DACH2: variants seen among roughly 807,000 people sequenced by gnomAD.
The protein encoded by DACH2 is dachshund homolog 2.
In DACH2, 17 loss-of-function variants were observed where a neutral mutation model predicts 35.8. That is an observed-to-expected ratio of 0.48 (90% CI 0.33 to 0.71). The LOEUF (loss-of-function observed/expected upper bound fraction) is 0.71. Among genes scored for constraint, DACH2 ranks in the 30% least tolerant of loss-of-function variants. The pLI is 0.02. For missense variants in DACH2, 469 were observed against 472.7 expected (o/e 0.99, Z 0.07); for synonymous variants, 195 against 177.3 (o/e 1.10, Z -0.79).
At position 86,439,306 on chromosome X, in the gene DACH2, T is replaced by C. The variant is rs371971506; in HGVS notation, c.527+62444T>C. Among the ~76,000 whole-genome samples, 31 of 112,150 alleles carry C rather than the reference T, an allele frequency of 2.8e-4. No homozygotes were observed. The East Asian group carries it at 3.3e-3, about 12-fold the overall frequency. The stretch of plus-strand genomic sequence containing the variant: ...TTGTGTATTCTGGATTTCAGTCCCT[T>C]GTTGGATGAATAGTTTGCAAATATT... On this transcript the variant is annotated intron_variant, in intron 2 of 11. Coordinates refer to ENST00000373125, the MANE Select transcript of DACH2 (RefSeq NM_053281.3).
intron 3 of DACH2, among the ~76,000 whole-genome samples, chrX:86,640,461 C>A (rs927064518): frequency 9.0e-6 from 1 of 111,656 alleles, no homozygotes; most frequent in Middle Eastern, 4.2e-3. Context: ...AAAGCACAAA[C>A]CTTCTCTCTT....
chrX:86,549,342 G>T (rs1254371329), intron 3 of DACH2, among the ~76,000 whole-genome samples: 1 of 111,164 alleles, frequency 9.0e-6, no homozygotes, highest in Non-Finnish European at 1.9e-5. Context: ...AGACAGCACA[G>T]TTTAGATCCA....
At chrX:86,184,640 C>T (rs186087430) in intron 1 of DACH2, among the ~76,000 whole-genome samples, 1,722 of 111,741 alleles carry the variant, frequency 0.015, 32 homozygotes, top group African/African-American at 0.05. Flanking sequence ...ATTTTTCTTA[C>T]TTTATAATGG....
chrX:86,445,052 C>T (rs1216179780), intron 2 of DACH2, among the ~76,000 whole-genome samples: 2 of 110,964 alleles, frequency 1.8e-5, no homozygotes, highest in African/African-American at 6.5e-5. Flanking sequence ...TCTCAATCCT[C>T]TTCTTTTTGC....
chrX:86,253,245 A>T (rs2033438231), intron 1 of DACH2, among the ~76,000 whole-genome samples: 1 of 111,643 alleles, frequency 9.0e-6, no homozygotes, highest in Non-Finnish European at 1.9e-5. Context: ...CTACAAGGAA[A>T]ACTACAAAAC....
chrX:86,740,780 A>T (rs1038312975), intron 7 of DACH2, among the ~76,000 whole-genome samples: 3 of 109,953 alleles, frequency 2.7e-5, no homozygotes, highest in Non-Finnish European at 3.8e-5. Context: ...TGCCTAATGC[A>T]CTGGATTATT....
In DACH2 at chrX:86,576,096, G is replaced by C. The variant is rs758564059; in HGVS notation, c.640+61705G>C. Among the ~76,000 whole-genome samples, 3 of 111,351 alleles carry C rather than the reference G, an allele frequency of 2.7e-5. No homozygotes were observed. In the East Asian group the frequency reaches 8.5e-4, roughly 31 times the overall value. ...CAACAAATACTTAAAGCCTTTTTTG[G>C]TCCAAGCACTATGATAAACATGGAG... On this transcript the variant is annotated intron_variant, in intron 3 of 11. Coordinates refer to ENST00000373125, the MANE Select transcript of DACH2 (RefSeq NM_053281.3).
chrX:86,257,070 G>A (rs2033534754), intron 1 of DACH2, among the ~76,000 whole-genome samples: 1 of 111,253 alleles, frequency 9.0e-6, no homozygotes, highest in Non-Finnish European at 1.9e-5. Context: ...AACATTGTAT[G>A]ATGAATACTT....
chrX:86,336,491 C>G (rs1026212542), intron 1 of DACH2, among the ~76,000 whole-genome samples: 2 of 111,509 alleles, frequency 1.8e-5, no homozygotes, highest in Non-Finnish European at 3.8e-5. Context: ...AGCAGACCTG[C>G]AGCAGATGGG....
intron 2 of DACH2, among the ~76,000 whole-genome samples, chrX:86,484,011 A>G (rs1218042051): frequency 9.0e-6 from 1 of 111,277 alleles, no homozygotes; most frequent in Admixed American, 9.7e-5. Flanking sequence ...ACACAGTTAT[A>G]TGTATATTTT....
At chrX:86,315,496 T>C (rs779841408) in intron 1 of DACH2, among the ~76,000 whole-genome samples, 2 of 111,575 alleles carry the variant, frequency 1.8e-5, no homozygotes, top group South Asian at 7.6e-4. Context: ...GAATACATTT[T>C]GTAAGGCTAT....
intron 1 of DACH2, among the ~76,000 whole-genome samples, chrX:86,282,550 T>C (rs1009770866): frequency 1.8e-5 from 2 of 111,272 alleles, no homozygotes; most frequent in African/African-American, 6.5e-5. Context: ...GAAGGAAACA[T>C]AGGCTATACC....
intron 1 of DACH2, among the ~76,000 whole-genome samples, chrX:86,360,998 A>T (rs1321720179): frequency 9.0e-6 from 1 of 111,164 alleles, no homozygotes; most frequent in Non-Finnish European, 1.9e-5. Flanking sequence ...ATTAACACAA[A>T]CATTATTGAA....
At chrX:86,332,491 A>G (rs2035231541) in intron 1 of DACH2, among the ~76,000 whole-genome samples, 2 of 111,938 alleles carry the variant, frequency 1.8e-5, no homozygotes, top group Non-Finnish European at 3.8e-5. Flanking sequence ...CTTCTTAATG[A>G]AAGTTAGTCA....
intron 2 of DACH2, among the ~76,000 whole-genome samples, chrX:86,398,084 C>A (rs1331451023): frequency 8.9e-6 from 1 of 111,923 alleles, no homozygotes; most frequent in Non-Finnish European, 1.9e-5. Context: ...TTGGTCTATT[C>A]AGAGATTCAA....
At chrX:86,711,738 G>T (rs1481261978) in intron 5 of DACH2, among the ~76,000 whole-genome samples, 1 of 112,400 alleles carries the variant, frequency 8.9e-6, no homozygotes, top group Non-Finnish European at 1.9e-5. Context: ...TTGGGGTAAA[G>T]TCTAGGGCAT....
At chrX:86,684,495 G>C (rs1275765757) in intron 4 of DACH2, among the ~76,000 whole-genome samples, 1 of 110,733 alleles carries the variant, frequency 9.0e-6, no homozygotes, top group Non-Finnish European at 1.9e-5. Flanking sequence ...CTTAAATTAT[G>C]TTATGGGTAG....
chrX:86,489,414 A>G (rs758168060), intron 2 of DACH2, among the ~76,000 whole-genome samples: 1 of 111,248 alleles, frequency 9.0e-6, no homozygotes, highest in African/African-American at 3.2e-5. Context: ...ACAAATAACA[A>G]TATCACATAA....
intron 1 of DACH2, chrX:86,160,572 G>T: frequency 2.0e-6 from 1 of 499,681 alleles, no homozygotes; most frequent in South Asian, 2.8e-5. Flanking sequence ...ATTTGGCCTG[G>T]ATGGTTCAGG....
Sources: gnomAD v4.1 joint callset for allele counts (sites outside exome capture counted in the v4.1 genomes callset) on GRCh38, gnomAD v4.1.1 for gene constraint, MANE v1.5 for transcripts, NCBI Gene and HGNC (gene_info 2026-07-23, HGNC 2026-07-21) for gene names.